MMS22L: variants seen among roughly 807,000 people sequenced by gnomAD.
MMS22L encodes the protein protein MMS22-like.
A neutral mutation model predicts 159.1 loss-of-function variants in MMS22L; 74 were observed. The ratio of observed to expected loss-of-function variants is 0.47; its 90% confidence interval spans 0.39 to 0.56. MMS22L has a LOEUF of 0.56. Among genes scored for constraint, MMS22L ranks in the 20% least tolerant of loss-of-function variants. The pLI is 0.00. For missense variants in MMS22L, 1,351 were observed against 1,422.1 expected, an observed-to-expected ratio of 0.95 and a Z score of 0.80; for synonymous variants, 517 against 506.9, an observed-to-expected ratio of 1.02 and a Z score of -0.27.
intron 14 of MMS22L, among the ~76,000 whole-genome samples, chr6:97,202,577 T>C (rs749604804): frequency 2.6e-5 from 4 of 152,164 alleles, no homozygotes; most frequent in Non-Finnish European, 5.9e-5. Flanking sequence ...GTTTTTTAGA[T>C]ACTGTAAAGT....
intron 14 of MMS22L, among the ~76,000 whole-genome samples, chr6:97,219,111 T>A (rs1050263550): frequency 2.6e-4 from 40 of 152,082 alleles, no homozygotes; most frequent in Admixed American, 3.3e-4. Context: ...GGATTATAGG[T>A]CTCTCCCTCG....
intron 14 of MMS22L, among the ~76,000 whole-genome samples, chr6:97,215,172 T>C (rs1448014171): frequency 1.3e-5 from 2 of 151,108 alleles, no homozygotes; most frequent in Admixed American, 1.3e-4. Flanking sequence ...TCAAGATTCC[T>C]TGAAACCAAC....
chr6:97,157,868 T>C (rs1802023441), intron 22 of MMS22L, among the ~76,000 whole-genome samples: 1 of 152,178 alleles, frequency 6.6e-6, no homozygotes, highest in Non-Finnish European at 1.5e-5. Context: ...CTTTTTCTAT[T>C]GATTGGAATA....
At chr6:97,200,032 T>C (rs545830801) in intron 14 of MMS22L, among the ~76,000 whole-genome samples, 1 of 152,194 alleles carries the variant, frequency 6.6e-6, no homozygotes, top group Admixed American at 6.6e-5. Flanking sequence ...TCTTCTGCCT[T>C]ATTTTGATCT....
At chr6:97,217,116 A>G (rs1193408197) in intron 14 of MMS22L, among the ~76,000 whole-genome samples, 3 of 152,196 alleles carry the variant, frequency 2.0e-5, no homozygotes, top group Non-Finnish European at 2.9e-5. Flanking sequence ...TAGAAAAATC[A>G]TATTACTGGT....
intron 10 of MMS22L, among the ~76,000 whole-genome samples, chr6:97,250,690 T>TAGCTTTGTGATTTAAATCCACTAC (rs1446342171): frequency 3.3e-5 from 5 of 152,210 alleles, no homozygotes; most frequent in Non-Finnish European, 5.9e-5. Flanking sequence ...AAATCCATTA[T>TAGCTTTGTGATTTAAATCCACTAC]AGCTTTGTGA....
intron 9 of MMS22L, chr6:97,259,416 T>C (rs1004401129): frequency 1.3e-5 from 2 of 152,198 alleles, no homozygotes; most frequent in African/African-American, 2.4e-5. Flanking sequence ...CCCTCTCTAA[T>C]ATGGGTGGGT....
chr6:97,223,401 T>C (rs1310289608), intron 14 of MMS22L, among the ~76,000 whole-genome samples: 1 of 152,110 alleles, frequency 6.6e-6, no homozygotes, highest in African/African-American at 2.4e-5. Flanking sequence ...TCAATCTATA[T>C]AATCCATCTT....
rs1804464190 is a variant in MMS22L, at chr6:97,179,413, G to A, written c.2531C>T (p.Ala844Val). The change falls in exon 17 of 25, where the codon GCA becomes GTA. Residue 844 changes from alanine to valine, a missense_variant. Physicochemically the swap from Ala to Val is moderately conservative, Grantham distance 64 (BLOSUM62 0). Transcript: ENST00000683635. ...AAAAACGTACACTTACTTACCAACT[G>A]CCTCTTCCAGATTTTTATCTATGAG... ...DLLIDKNLEE[A>V]VEKEYMKQLV... 6.2e-7 allele frequency: 1 copy of A among 1,611,210 alleles called. No individual in the cohort carries two copies. The highest frequency in any genetic ancestry group is 1.3e-5 in the African/African-American group (1 of 74,778).
intron 21 of MMS22L, among the ~76,000 whole-genome samples, chr6:97,164,189 G>A (rs1802729341): frequency 6.6e-6 from 1 of 151,804 alleles, no homozygotes; most frequent in Non-Finnish European, 1.5e-5. Flanking sequence ...GATGGGCAAG[G>A]AAAGGAAGCA....
chr6:97,174,667 T>C (rs1180514315), intron 18 of MMS22L, among the ~76,000 whole-genome samples: 1 of 152,164 alleles, frequency 6.6e-6, no homozygotes, highest in Non-Finnish European at 1.5e-5. Flanking sequence ...TGGTAGTCAA[T>C]GAGCTTTCAG....
chr6:97,218,510 A>G (rs997459644), intron 14 of MMS22L, among the ~76,000 whole-genome samples: 1 of 152,224 alleles, frequency 6.6e-6, no homozygotes, highest in African/African-American at 2.4e-5. Context: ...CATATGCTTC[A>G]TGTGACTGGT....
intron 16 of MMS22L, among the ~76,000 whole-genome samples, chr6:97,181,365 T>C (rs1804688301): frequency 6.6e-6 from 1 of 152,130 alleles, no homozygotes; most frequent in Non-Finnish European, 1.5e-5. Context: ...TTTTTTCCAA[T>C]GAGGTTCCTC....
At chr6:97,262,701 T>C (rs2128075348) in intron 9 of MMS22L, among the ~76,000 whole-genome samples, 1 of 150,034 alleles carries the variant, frequency 6.7e-6, no homozygotes, top group South Asian at 2.1e-4. Context: ...AACCCCAAAT[T>C]ACAGAAAACT....
intron 22 of MMS22L, among the ~76,000 whole-genome samples, chr6:97,159,279 G>A (rs1346956253): frequency 3.3e-5 from 5 of 151,762 alleles, no homozygotes; most frequent in East Asian, 3.9e-4. Context: ...TCTTTTAATC[G>A]GGGCATTTAG....
At chr6:97,246,735 A>T (rs745885180) in intron 10 of MMS22L, 45 bp from the exon 11 acceptor site, 6 of 1,381,350 alleles carry the variant, frequency 4.3e-6, no homozygotes, top group Non-Finnish European at 6.1e-6. Flanking sequence ...GCTCTTGATT[A>T]TGCCTATATT....
At chr6:97,200,008 C>T (rs1426518329) in intron 14 of MMS22L, among the ~76,000 whole-genome samples, 2 of 152,056 alleles carry the variant, frequency 1.3e-5, no homozygotes, top group African/African-American at 2.4e-5. Flanking sequence ...CTCTCAATTT[C>T]TCTCCCTGAC....
intron 22 of MMS22L, among the ~76,000 whole-genome samples, chr6:97,157,509 T>C (rs1057192538): frequency 1.3e-5 from 2 of 152,198 alleles, no homozygotes; most frequent in African/African-American, 2.4e-5. Flanking sequence ...ACCTAGTTTA[T>C]TGAGAGTTGT....
intron 19 of MMS22L, among the ~76,000 whole-genome samples, chr6:97,170,284 T>C (rs780924493): frequency 1.3e-5 from 2 of 152,050 alleles, no homozygotes; most frequent in Non-Finnish European, 2.9e-5. Flanking sequence ...GCTTTAGGAG[T>C]TCATATAAGG....
Sources: allele counts gnomAD v4.1 joint callset (sites outside exome capture counted in the v4.1 genomes callset), GRCh38; gene constraint gnomAD v4.1.1; transcripts MANE v1.5; gene names NCBI Gene and HGNC (gene_info 2026-07-23, HGNC 2026-07-21).